SMPDL3B: variants seen among roughly 807,000 people sequenced by gnomAD.
The protein encoded by SMPDL3B is sphingomyelin phosphodiesterase acid like 3B.
SMPDL3B carries 31 observed loss-of-function variants against 37.9 expected under a neutral mutation model. That is an observed-to-expected ratio of 0.82 (90% confidence interval 0.61 to 1.10). The LOEUF (loss-of-function observed/expected upper bound fraction) is 1.10, where lower values mean the gene tolerates loss of function less well. Ranked by LOEUF, SMPDL3B falls within the 50% of genes least tolerant of loss-of-function variation. SMPDL3B has a pLI of 0.00. For missense variants in SMPDL3B, 525 were observed against 597.8 expected (o/e 0.88, Z 1.27); for synonymous variants, 235 against 242.6 (o/e 0.97, Z 0.29).
At chr1:27,954,296 C>T (rs1220894117) in intron 4 of SMPDL3B, 58 bp from the exon 5 acceptor site, 21 of 1,517,502 alleles carry the variant, frequency 1.4e-5, no homozygotes, top group African/African-American at 5.5e-5. Flanking sequence ...GTGGAAGGGG[C>T]GGAAGCCTGT....
At chr1:27,947,687 G>C (rs1185243052) in intron 2 of SMPDL3B, among the ~76,000 whole-genome samples, 1 of 145,498 alleles carries the variant, frequency 6.9e-6, no homozygotes, top group Admixed American at 6.9e-5. Context: ...TCGCTCTGTC[G>C]CCCAGGCTGG....
intron 3 of SMPDL3B, 97 bp downstream of exon 3, chr1:27,949,259 C>A: frequency 7.8e-7 from 1 of 1,286,448 alleles, no homozygotes; most frequent in Non-Finnish European, 1.1e-6. Context: ...CCTGGCTGAC[C>A]TTCATCCATG....
At position 27,959,121 on chromosome 1, in the gene SMPDL3B, A is replaced by T. The variant is rs12402686; in HGVS notation, c.*283A>T. 378,924 of 393,786 alleles carry T rather than the reference A, an allele frequency of 0.96. 183,077 individuals are homozygous for T. The highest frequency in any genetic ancestry group is 1 in the East Asian group (24,973 of 24,974). 24.4% of individuals were successfully genotyped at this position (393,786 alleles called of 1,614,324 possible). A position where few individuals can be genotyped will look rare whatever the true frequency, so the allele number is the denominator to read the frequency against. ...CATACTTCTTTTGCGTATTATGTTT[A>T]ACTCACAAAACAAAGCTCATCATGC... On this transcript the variant is annotated 3_prime_UTR_variant, in exon 8 of 8. Coordinates refer to ENST00000373894, the MANE Select transcript of SMPDL3B (RefSeq NM_014474.4).
chr1:27,956,201 C>T (rs1379586118), intron 7 of SMPDL3B, 119 bp downstream of exon 7: 1 of 1,600,110 alleles, frequency 6.2e-7, no homozygotes, highest in Non-Finnish European at 8.5e-7. Context: ...GAAGGTTGAG[C>T]TCCTTCCACC....
chr1:27,949,836 T>G (rs1459207184), intron 3 of SMPDL3B, among the ~76,000 whole-genome samples: 16 of 152,112 alleles, frequency 1.1e-4, no homozygotes, highest in Admixed American at 1.0e-3. Flanking sequence ...CCACCTTTTT[T>G]GGGTTCCAGT....
chr1:27,945,496 C>A lies in SMPDL3B; in HGVS notation c.275+51C>A. The A allele has an allele frequency of 1.4e-6, 2 of 1,430,168 alleles. No individual in the cohort carries two copies. The highest frequency in any genetic ancestry group is 2.0e-6 in the Non-Finnish European group (2 of 1,016,894). The allele number at this position is 1,430,168 out of a possible 1,614,324, so 88.6% of individuals were successfully genotyped here. On this transcript the variant is annotated intron_variant, in intron 2 of 7. Transcript: ENST00000373894. The surrounding 1 kb of genome is among the most constrained non-coding windows in gnomAD (Gnocchi z 4.0). Reference sequence around the variant, plus strand: ...CCCTTTGCCAGGCATCTGCTATGTGCTACATACCAGTCTGGCCCTTTGCCC... The same window carrying A: ...CCCTTTGCCAGGCATCTGCTATGTGATACATACCAGTCTGGCCCTTTGCCC...
intron 3 of SMPDL3B, 30 bp from the exon 4 acceptor site, chr1:27,953,185 A>G: frequency 6.3e-7 from 1 of 1,592,492 alleles, no homozygotes; most frequent in Non-Finnish European, 8.6e-7. Flanking sequence ...TTTTGCATAT[A>G]TATTTTGATA....
intron 2 of SMPDL3B, 71 bp from the exon 3 acceptor site, chr1:27,948,994 A>C (rs1464597426): frequency 1.2e-6 from 2 of 1,608,976 alleles, no homozygotes; most frequent in South Asian, 2.2e-5. Flanking sequence ...CTCACTGCAG[A>C]GCTGTCCCTT....
intron 2 of SMPDL3B, among the ~76,000 whole-genome samples, chr1:27,946,936 T>C (rs978163533): frequency 3.3e-5 from 5 of 152,130 alleles, no homozygotes; most frequent in Non-Finnish European, 7.3e-5. Flanking sequence ...TTGGGCCTGC[T>C]CCCTTGAGGG....
chr1:27,954,815 T>C (rs978258626), intron 5 of SMPDL3B, among the ~76,000 whole-genome samples: 1 of 152,184 alleles, frequency 6.6e-6, no homozygotes, highest in Non-Finnish European at 1.5e-5. Flanking sequence ...TCCAGTGCTC[T>C]TTCCACTCCC....
chr1:27,938,974 C>T (rs2090332732), intron 1 of SMPDL3B: 1 of 152,208 alleles, frequency 6.6e-6, no homozygotes, highest in East Asian at 1.9e-4. Flanking sequence ...TATATATCTC[C>T]AAGGCCATGC....
intron 3 of SMPDL3B, among the ~76,000 whole-genome samples, chr1:27,951,055 G>T (rs2090451854): frequency 6.7e-6 from 1 of 149,254 alleles, no homozygotes; most frequent in African/African-American, 2.5e-5. Flanking sequence ...GAGCCACCAT[G>T]CCTGGCCTAT....
intron 3 of SMPDL3B, 43 bp downstream of exon 3, chr1:27,949,205 C>G: frequency 6.3e-7 from 1 of 1,597,386 alleles, no homozygotes; most frequent in South Asian, 1.1e-5. Context: ...TCTCGGAACT[C>G]TAGGCACTGC....
chr1:27,946,963 C>T (rs1012835870), intron 2 of SMPDL3B, among the ~76,000 whole-genome samples: 9 of 152,042 alleles, frequency 5.9e-5, no homozygotes, highest in Admixed American at 3.3e-4. Flanking sequence ...CTGATTTCTC[C>T]GAGAAGGGAG....
At chr1:27,943,209 A>G (rs980415839) in intron 1 of SMPDL3B, among the ~76,000 whole-genome samples, 1 of 152,218 alleles carries the variant, frequency 6.6e-6, no homozygotes. Flanking sequence ...TCCAGACCTT[A>G]GTTTCCTTAT....
chr1:27,958,633 C>T lies in SMPDL3B; in HGVS notation c.1163C>T (p.Thr388Ile). 6.2e-7 allele frequency: 1 copy of T among 1,613,750 alleles called. No individual in the cohort carries two copies. The highest frequency in any genetic ancestry group is 1.1e-5 in the South Asian group (1 of 91,084). ...VLDRIAGDQSTLQRYYVYNSV... is the reference protein window; with the variant it reads ...VLDRIAGDQSILQRYYVYNSV... ...GACCGCATCGCTGGCGACCAGAGCACACTGCAGCGCTACTACGTCTATAAC... is the reference window on the plus strand; with the variant it reads ...GACCGCATCGCTGGCGACCAGAGCATACTGCAGCGCTACTACGTCTATAAC... Residue 388 changes from threonine (T) to isoleucine (I), a missense_variant, in exon 8 of 8, where the codon ACA (threonine) becomes ATA (isoleucine). Transcript: ENST00000373894. This position sits in a 1 kb window ranked among gnomAD's most constrained non-coding sequence, Gnocchi z 5.6.
intron 5 of SMPDL3B, 103 bp from the exon 6 acceptor site, chr1:27,955,581 G>A: frequency 8.7e-7 from 1 of 1,150,928 alleles, no homozygotes; most frequent in Admixed American, 2.0e-5. Flanking sequence ...ATACATTTGG[G>A]CCTGTCTACC....
rs769742234 is a variant in SMPDL3B at position 27,945,556 on chromosome 1, G to A, written c.275+111G>A. The A allele has an allele frequency of 2.1e-5, 19 of 887,672 alleles. No individual in the cohort carries two copies. The highest frequency in any genetic ancestry group is 7.4e-5 in the South Asian group (5 of 67,256). 55.0% of individuals were successfully genotyped at this position (887,672 alleles called of 1,614,324 possible). ...CCCTTAATCCTCACATCAGTCTCAC[G>A]TGAGGCTGAGGAACCTAAAGCTCAA... On this transcript the variant is annotated intron_variant, in intron 2 of 7. Coordinates refer to ENST00000373894, the MANE Select transcript of SMPDL3B (RefSeq NM_014474.4). The surrounding 1 kb of genome is among the most constrained non-coding windows in gnomAD (Gnocchi z 4.0).
intron 1 of SMPDL3B, chr1:27,941,498 A>G (rs527784762): frequency 6.6e-6 from 1 of 152,396 alleles, no homozygotes; most frequent in Non-Finnish European, 1.5e-5. Flanking sequence ...GAGGACATAG[A>G]GGTAAACAAG....
Sources: allele counts gnomAD v4.1 joint callset (sites outside exome capture counted in the v4.1 genomes callset), GRCh38; gene constraint gnomAD v4.1.1; non-coding constraint Gnocchi (gnomAD v3.1); transcripts MANE v1.5; gene names NCBI Gene and HGNC (gene_info 2026-07-23, HGNC 2026-07-21).